WWP2: variants seen among roughly 807,000 people sequenced by gnomAD.
The protein encoded by WWP2 is NEDD4-like E3 ubiquitin-protein ligase WWP2.
WWP2 carries 57 observed loss-of-function variants against 121.0 expected under a neutral mutation model. The observed-to-expected ratio is 0.47, with a 90% CI of 0.38 to 0.59. The LOEUF (loss-of-function observed/expected upper bound fraction) is 0.59. Among genes scored for constraint, WWP2 ranks in the 20% least tolerant of loss-of-function variants. WWP2 has a pLI of 0.00. For missense variants in WWP2, 962 were observed against 1,158.9 expected (o/e 0.83, Z 2.47); for synonymous variants, 449 against 441.3 (o/e 1.02, Z -0.22).
chr16:69,827,974 G>T (rs1005207637), intron 4 of WWP2: 2 of 450,442 alleles, frequency 4.4e-6, no homozygotes, highest in Admixed American at 2.4e-5. Context: ...TGTTTTAAGA[G>T]GATCCACAGC....
chr16:69,775,350 G>A (rs892330327), intron 1 of WWP2, among the ~76,000 whole-genome samples: 1 of 152,164 alleles, frequency 6.6e-6, no homozygotes, highest in Non-Finnish European at 1.5e-5. Flanking sequence ...GAAGCTGAGA[G>A]TGACTTCCTG....
At chr16:69,838,337 C>T (rs909381189) in intron 4 of WWP2, among the ~76,000 whole-genome samples, 7 of 151,688 alleles carry the variant, frequency 4.6e-5, no homozygotes, top group Non-Finnish European at 8.8e-5. Flanking sequence ...GAATTAAACT[C>T]GGAGTGCCTG....
At chr16:69,803,087 T>TAA (rs11370872) in intron 4 of WWP2, among the ~76,000 whole-genome samples, 1,919 of 144,278 alleles carry the variant, frequency 0.013, 36 homozygotes, top group African/African-American at 0.042. Context: ...ATATTACTTG[T>TAA]AAAAAAAAAA....
chr16:69,897,996 A>G (rs958580709), intron 8 of WWP2, among the ~76,000 whole-genome samples: 27 of 150,364 alleles, frequency 1.8e-4, no homozygotes, highest in Non-Finnish European at 3.7e-4. Context: ...CTTTTTGTGT[A>G]TGTGGTTTTT....
rs2058874828 is a variant in WWP2 at position 69,941,135 on chromosome 16, G to T, written c.*1195G>T. 1 of 152,364 alleles carries T rather than the reference G, an allele frequency of 6.6e-6. No individual in the cohort carries two copies. Among genetic ancestry groups the T allele is most frequent in the African/African-American group, 2.4e-5 (1 of 41,474 alleles). The allele number at this position is 152,364 out of a possible 1,614,324, so 9.4% of individuals were successfully genotyped here. ...ACCAGCAGAAAGGCCCTGAGCTGCT[G>T]CATAGCCCCATCTGATTTCTGCAGT... On this transcript the variant is annotated 3_prime_UTR_variant, in exon 24 of 24. Coordinates refer to ENST00000359154, the MANE Select transcript of WWP2 (RefSeq NM_001270454.2).
intron 4 of WWP2, among the ~76,000 whole-genome samples, chr16:69,823,790 C>T (rs190701380): frequency 1.1e-4 from 16 of 152,288 alleles, no homozygotes; most frequent in African/African-American, 3.6e-4. Context: ...TAAAACATCA[C>T]CTTGTCTTCA....
intron 6 of WWP2, among the ~76,000 whole-genome samples, chr16:69,853,511 A>T (rs1029757545): frequency 6.6e-6 from 1 of 152,134 alleles, no homozygotes; most frequent in South Asian, 2.1e-4. Context: ...AACCTAAATC[A>T]CACCCAGAGC....
At chr16:69,908,109 G>A (rs184397119) in intron 8 of WWP2, among the ~76,000 whole-genome samples, 8 of 152,216 alleles carry the variant, frequency 5.3e-5, no homozygotes, top group South Asian at 2.1e-4. Flanking sequence ...GCTGGGCATC[G>A]TAATGTGTGC....
chr16:69,902,839 G>A (rs187900125), intron 8 of WWP2, among the ~76,000 whole-genome samples: 1 of 152,236 alleles, frequency 6.6e-6, no homozygotes, highest in Admixed American at 6.5e-5. Context: ...GGCTCGTCTG[G>A]TTGGTGATAG....
intron 1 of WWP2, among the ~76,000 whole-genome samples, chr16:69,769,088 G>C (rs978527433): frequency 6.6e-6 from 1 of 152,176 alleles, no homozygotes; most frequent in Admixed American, 6.5e-5. Flanking sequence ...GGAGGCCAAG[G>C]CGGGTGGATC....
intron 7 of WWP2, among the ~76,000 whole-genome samples, chr16:69,885,631 C>T (rs1306332505): frequency 6.6e-6 from 1 of 152,132 alleles, no homozygotes; most frequent in Non-Finnish European, 1.5e-5. Flanking sequence ...AGAGGATGTG[C>T]AGAGAGGGAG....
Position 69,826,958 on chromosome 16 carries a change from G to C in WWP2, c.341-13168G>C, listed in dbSNP as rs889354467. 2.0e-4 allele frequency among the ~76,000 whole-genome samples: 25 copies of C among 123,398 alleles called. 3 individuals carry two copies. Among genetic ancestry groups the C allele is most frequent in the Admixed American group, 3.9e-4 (4 of 10,278 alleles). 81.0% of individuals were successfully genotyped at this position (123,398 alleles called of 152,430 possible). On this transcript the variant is annotated intron_variant, in intron 4 of 23. Coordinates refer to ENST00000359154, the MANE Select transcript of WWP2 (RefSeq NM_001270454.2). ...CACCTCAAAAAAAAAAAAAAAAGGG[G>C]GGGGGGCGGAGAGAATAATGGACCA...
intron 1 of WWP2, among the ~76,000 whole-genome samples, chr16:69,768,028 G>A (rs2038769611): frequency 6.6e-6 from 1 of 151,968 alleles, no homozygotes; most frequent in African/African-American, 2.4e-5. Flanking sequence ...TGTAGAGATG[G>A]GGTCCCACTA....
intron 6 of WWP2, among the ~76,000 whole-genome samples, chr16:69,847,171 G>A (rs1394989218): frequency 6.6e-6 from 1 of 152,040 alleles, no homozygotes; most frequent in Non-Finnish European, 1.5e-5. Flanking sequence ...TATAAACTCT[G>A]CCTCCCAGGT....
intron 1 of WWP2, among the ~76,000 whole-genome samples, chr16:69,765,083 C>T (rs1176393171): frequency 6.6e-6 from 1 of 151,934 alleles, no homozygotes; most frequent in Non-Finnish European, 1.5e-5. Context: ...GCCCGCCTGG[C>T]TACTCAGGAG....
At chr16:69,891,977 A>G (rs1249420977) in intron 8 of WWP2, among the ~76,000 whole-genome samples, 1 of 152,140 alleles carries the variant, frequency 6.6e-6, no homozygotes, top group East Asian at 1.9e-4. Flanking sequence ...CTTTGCATTT[A>G]TCACAGGTGT....
At chr16:69,841,519 A>G (rs1411553112) in intron 5 of WWP2, among the ~76,000 whole-genome samples, 1 of 152,096 alleles carries the variant, frequency 6.6e-6, no homozygotes, top group Non-Finnish European at 1.5e-5. Context: ...AAACAGGTCA[A>G]CTCAGATCAC....
chr16:69,932,951 T>A, intron 16 of WWP2: 1 of 456,582 alleles, frequency 2.2e-6, no homozygotes, highest in Non-Finnish European at 4.5e-6. Flanking sequence ...TGGGTTAACT[T>A]GCTTCTGGTC....
At chr16:69,938,398 A>C (rs2152001295) in intron 21 of WWP2, among the ~76,000 whole-genome samples, 1 of 152,328 alleles carries the variant, frequency 6.6e-6, no homozygotes, top group African/African-American at 2.4e-5. Context: ...TGGGCAGATC[A>C]CTTGAGGTCA....
Sources: gnomAD v4.1 joint callset for allele counts (sites outside exome capture counted in the v4.1 genomes callset) on GRCh38, gnomAD v4.1.1 for gene constraint, MANE v1.5 for transcripts, NCBI Gene and HGNC (gene_info 2026-07-23, HGNC 2026-07-21) for gene names.